The following PDE2A variants were observed in gnomAD, a reference collection of about 807,000 sequenced individuals.
PDE2A encodes the protein phosphodiesterase 2A.
Under a neutral mutation model 133.6 loss-of-function variants are expected in PDE2A, and 53 were observed. The ratio of observed to expected loss-of-function variants is 0.40; its 90% confidence interval spans 0.32 to 0.50. The LOEUF (loss-of-function observed/expected upper bound fraction) is 0.50, where lower values mean the gene tolerates loss of function less well. Among genes scored for constraint, PDE2A ranks in the 20% least tolerant of loss-of-function variants. The pLI, the probability that PDE2A is intolerant of heterozygous loss-of-function variation, is 0.73. For synonymous variants in PDE2A, 491 were observed against 490.2 expected (o/e 1.00, Z -0.02); for missense variants, 796 against 1,232.4 (o/e 0.65, Z 5.30).
At position 72,655,509 on chromosome 11, in the gene PDE2A, A is replaced by G. The variant is rs72962171; in HGVS notation, c.72-13183T>C. Reference sequence around the variant, plus strand: ...AGTGCCTGTGTGTGTGTGTGCACGCACGTGTGTGTGTGTGCATGTGTGTGT... The same window carrying G: ...AGTGCCTGTGTGTGTGTGTGCACGCGCGTGTGTGTGTGTGCATGTGTGTGT... On this transcript the variant is annotated intron_variant, in intron 1 of 30. Coordinates refer to ENST00000334456, the MANE Select transcript of PDE2A (RefSeq NM_002599.5). 6.4e-3 allele frequency among the ~76,000 whole-genome samples: 969 copies of G among 150,574 alleles called. 5 individuals carry two copies. Among genetic ancestry groups the G allele is most frequent in the Middle Eastern group, 0.017 (5 of 292 alleles).
At chr11:72,631,163 G>C (rs1478918221) in intron 2 of PDE2A, 1 of 1,527,794 alleles carries the variant, frequency 6.5e-7, no homozygotes, top group African/African-American at 1.4e-5. Context: ...AAGGTCAGGG[G>C]CTGAGGCCGG....
At chr11:72,605,955 GCT>G (rs1171408017) in intron 3 of PDE2A, among the ~76,000 whole-genome samples, 1 of 152,138 alleles carries the variant, frequency 6.6e-6, no homozygotes, top group Non-Finnish European at 1.5e-5. Context: ...GGTCAGTAGG[GCT>G]GAGTGGGATG....
chr11:72,624,206 C>T (rs1182315076), intron 2 of PDE2A, among the ~76,000 whole-genome samples: 2 of 152,114 alleles, frequency 1.3e-5, no homozygotes, highest in Non-Finnish European at 2.9e-5. Context: ...TGGTCTTGAA[C>T]TCCTGACCTC....
intron 2 of PDE2A, among the ~76,000 whole-genome samples, chr11:72,638,949 C>T (rs1161295389): frequency 1.3e-5 from 2 of 152,190 alleles, no homozygotes; most frequent in Non-Finnish European, 2.9e-5. Context: ...CATTTCTCTG[C>T]CCACCCCAAC....
intron 2 of PDE2A, among the ~76,000 whole-genome samples, chr11:72,636,355 T>A (rs1260021985): frequency 1.3e-5 from 2 of 152,244 alleles, no homozygotes; most frequent in Non-Finnish European, 2.9e-5. Flanking sequence ...ACTCAGACAT[T>A]TTTGGATTTG....
intron 1 of PDE2A, among the ~76,000 whole-genome samples, chr11:72,645,265 A>G (rs1859102012): frequency 6.6e-6 from 1 of 152,112 alleles, no homozygotes; most frequent in Non-Finnish European, 1.5e-5. Context: ...CTAGGCCTCT[A>G]TTTCCCCATC....
chr11:72,580,745 G>C, intron 24 of PDE2A, 121 bp from the exon 25 acceptor site: 1 of 1,003,614 alleles, frequency 1.0e-6, no homozygotes, highest in Non-Finnish European at 1.6e-6. Flanking sequence ...CAGAGCCAGG[G>C]GCAAACCCTG....
At position 72,584,544 on chromosome 11, in the gene PDE2A, C is replaced by A. The variant is rs1039828457; in HGVS notation, c.1537+7G>T. On this transcript the variant is annotated splice_region_variant and intron_variant, in intron 18 of 30. Transcript: ENST00000334456. ...CCCCGCCCCTCCGCCCGGGCCGCCA[C>A]GCGCACCCTGGTTCTCGTTCTTGAT... The A allele has an allele frequency of 9.4e-6, 15 of 1,599,242 alleles. No individual in the cohort carries two copies. In the East Asian group the frequency reaches 1.4e-4, roughly 14 times the overall value.
intron 20 of PDE2A, 49 bp downstream of exon 20, chr11:72,583,389 G>A: frequency 7.6e-7 from 1 of 1,310,300 alleles, no homozygotes; most frequent in Non-Finnish European, 1.1e-6. Context: ...CCTGGCCCTG[G>A]GTCCCCGGGG....
chr11:72,619,095 T>C (rs1591081330), intron 2 of PDE2A, among the ~76,000 whole-genome samples: 1 of 152,272 alleles, frequency 6.6e-6, no homozygotes, highest in African/African-American at 2.4e-5. Context: ...TGGGTAAATA[T>C]GTCAGCCTGG....
At chr11:72,620,561 T>C (rs1196326161) in intron 2 of PDE2A, among the ~76,000 whole-genome samples, 2 of 152,040 alleles carry the variant, frequency 1.3e-5, no homozygotes, top group Non-Finnish European at 2.9e-5. Flanking sequence ...CTCTGTTGGC[T>C]CCTGAAAGGA....
At chr11:72,605,527 T>C (rs1856933909) in intron 3 of PDE2A, among the ~76,000 whole-genome samples, 2 of 152,200 alleles carry the variant, frequency 1.3e-5, no homozygotes, top group Non-Finnish European at 2.9e-5. Context: ...TTTCAAGGAC[T>C]GAGGGTGCAG....
At chr11:72,655,118 G>A (rs1854856288) in intron 1 of PDE2A, among the ~76,000 whole-genome samples, 1 of 152,208 alleles carries the variant, frequency 6.6e-6, no homozygotes, top group Non-Finnish European at 1.5e-5. Context: ...GCCAGGGGAA[G>A]GCGGGCAGCT....
intron 2 of PDE2A, among the ~76,000 whole-genome samples, chr11:72,639,703 C>T (rs548232558): frequency 2.3e-4 from 35 of 152,276 alleles, no homozygotes; most frequent in African/African-American, 4.8e-4. Flanking sequence ...GCCTGCCGCC[C>T]GCCTGTCCAG....
chr11:72,588,694 C>T, intron 13 of PDE2A, 90 bp downstream of exon 13: 1 of 1,318,348 alleles, frequency 7.6e-7, no homozygotes, highest in Non-Finnish European at 1.1e-6. Flanking sequence ...TAGCCCCTGC[C>T]CAGTACCCAT....
In PDE2A at chr11:72,593,574, G is replaced by C. The variant is rs997819571; in HGVS notation, c.490-2218C>G. Among the ~76,000 whole-genome samples the C allele has an allele frequency of 2.6e-5, 4 of 152,344 alleles. No homozygotes were observed. The South Asian group carries it at 8.3e-4, about 32-fold the overall frequency. ...ACACCCCATCCCCGTGCAGGGAGCTGGTGTGGCTGGTGCAGCTGGGGGAAG... is the reference window on the plus strand; with the variant it reads ...ACACCCCATCCCCGTGCAGGGAGCTCGTGTGGCTGGTGCAGCTGGGGGAAG... On this transcript the variant is annotated intron_variant, in intron 6 of 30. Coordinates refer to ENST00000334456, the MANE Select transcript of PDE2A (RefSeq NM_002599.5).
At chr11:72,603,543 C>T (rs1241234810) in intron 4 of PDE2A, among the ~76,000 whole-genome samples, 2 of 152,216 alleles carry the variant, frequency 1.3e-5, no homozygotes, top group African/African-American at 2.4e-5. Flanking sequence ...GCCTCCCAGG[C>T]TGCTCCGAGG....
chr11:72,667,520 T>C (rs770883373), intron 1 of PDE2A, among the ~76,000 whole-genome samples: 12 of 152,124 alleles, frequency 7.9e-5, no homozygotes, highest in African/African-American at 1.9e-4. Context: ...TGGAGAACAA[T>C]GGGCTATCCT....
chr11:72,663,293 T>G (rs1591143023), intron 1 of PDE2A, among the ~76,000 whole-genome samples: 1 of 152,316 alleles, frequency 6.6e-6, no homozygotes, highest in Middle Eastern at 3.4e-3. Flanking sequence ...CAGGGCACAC[T>G]GCGTTCTGAG....
Sources: allele counts gnomAD v4.1 joint callset (sites outside exome capture counted in the v4.1 genomes callset), GRCh38; gene constraint gnomAD v4.1.1; transcripts MANE v1.5; gene names NCBI Gene and HGNC (gene_info 2026-07-23, HGNC 2026-07-21).